The following PKHD1 variants were observed in gnomAD, a reference collection of about 807,000 sequenced individuals.
PKHD1 encodes the protein PKHD1 ciliary IPT domain containing fibrocystin/polyductin.
PKHD1 carries 291 observed loss-of-function variants against 412.0 expected under a neutral mutation model. The observed-to-expected ratio is 0.71, with a 90% CI of 0.64 to 0.78. The LOEUF (loss-of-function observed/expected upper bound fraction) is 0.78. Ranked by LOEUF, PKHD1 falls within the 30% of genes least tolerant of loss-of-function variation. PKHD1 has a pLI of 0.00. For missense variants in PKHD1, 4,825 were observed against 4,950.7 expected, an observed-to-expected ratio of 0.97 and a Z score of 0.76; for synonymous variants, 1,777 against 1,821.5, an observed-to-expected ratio of 0.98 and a Z score of 0.62.
chr6:51,625,011 C>A (rs1233359154), intron 66 of PKHD1, among the ~76,000 whole-genome samples: 3 of 152,098 alleles, frequency 2.0e-5, no homozygotes, highest in Admixed American at 1.3e-4. Context: ...CTCTTGATAT[C>A]AAAAAACCTG....
In PKHD1 at chr6:51,659,637, C is replaced by A. The variant is rs780839456; in HGVS notation, c.10489G>T (p.Ala3497Ser). 1.9e-6 allele frequency: 3 copies of A among 1,613,678 alleles called. No homozygotes were observed. Among genetic ancestry groups the A allele is most frequent in the South Asian group, 2.2e-5 (2 of 91,074 alleles). Residue 3497 changes from alanine to serine, a missense_variant, in exon 61 of 67, where the codon GCT becomes TCT. Coordinates refer to ENST00000371117, the MANE Select transcript of PKHD1 (RefSeq NM_138694.4). ...GNKSTSKLLL[A>S]VFYHELQSPH... is the part of the protein sequence containing the mutation. ...CTCTGGAGCTCATGGTAGAATACAG[C>A]CAAGAGAAGCTTGGAGGTACTTTTG...
chr6:51,813,814 G>T (rs995804157), intron 52 of PKHD1, among the ~76,000 whole-genome samples: 7 of 152,032 alleles, frequency 4.6e-5, no homozygotes, highest in Non-Finnish European at 8.8e-5. Context: ...CTAAGCATGG[G>T]GTGGCAAAAA....
chr6:51,757,963 A>G (rs1787301249), intron 55 of PKHD1, among the ~76,000 whole-genome samples: 1 of 149,464 alleles, frequency 6.7e-6, no homozygotes, highest in Admixed American at 6.7e-5. Context: ...GTGAGCTATG[A>G]TCATGCCACT....
intron 35 of PKHD1, among the ~76,000 whole-genome samples, chr6:51,985,458 G>C (rs1796084519): frequency 1.3e-5 from 2 of 152,234 alleles, no homozygotes. Flanking sequence ...GCCGAGCGCG[G>C]TGGCTCATGC....
At chr6:51,958,004 T>C (rs1791402022) in intron 36 of PKHD1, among the ~76,000 whole-genome samples, 1 of 152,170 alleles carries the variant, frequency 6.6e-6, no homozygotes, top group Non-Finnish European at 1.5e-5. Context: ...ACAGGAATCC[T>C]AGGCCACTCA....
chr6:52,078,593 T>C (rs1295816062), intron 5 of PKHD1, among the ~76,000 whole-genome samples: 1 of 152,186 alleles, frequency 6.6e-6, no homozygotes, highest in East Asian at 1.9e-4. Context: ...ATTAACTGCA[T>C]CCCCTGGTGA....
chr6:51,902,900 C>A (rs1355856136), intron 43 of PKHD1, among the ~76,000 whole-genome samples: 1 of 152,142 alleles, frequency 6.6e-6, no homozygotes, highest in Non-Finnish European at 1.5e-5. Context: ...GGACTTCATC[C>A]TCCTGGAATC....
At position 51,836,483 on chromosome 6, in the gene PKHD1, G is replaced by T; in HGVS notation, c.8108-14C>A. On this transcript the variant is annotated splice_polypyrimidine_tract_variant and intron_variant, in intron 50 of 66. Coordinates refer to ENST00000371117, the MANE Select transcript of PKHD1 (RefSeq NM_138694.4). ...CTTCACCTGAAACTAAATACCAAAA[G>T]CCACAACTTGCATGTGATACAAAGA... 6.3e-7 allele frequency: 1 copy of T among 1,587,496 alleles called. No homozygotes were observed. The highest frequency in any genetic ancestry group is 8.7e-7 in the Non-Finnish European group (1 of 1,155,932).
At chr6:51,931,456 G>A (rs1786571655) in intron 37 of PKHD1, among the ~76,000 whole-genome samples, 1 of 152,196 alleles carries the variant, frequency 6.6e-6, no homozygotes, top group Non-Finnish European at 1.5e-5. Flanking sequence ...GTGAAATTAT[G>A]AAATGACTTT....
intron 52 of PKHD1, among the ~76,000 whole-genome samples, chr6:51,806,594 T>C (rs1217019648): frequency 6.6e-6 from 1 of 152,184 alleles, no homozygotes; most frequent in Admixed American, 6.5e-5. Flanking sequence ...AACATATTTA[T>C]GAGTTCAAGA....
intron 49 of PKHD1, among the ~76,000 whole-genome samples, chr6:51,850,482 G>C (rs1413953471): frequency 2.0e-5 from 3 of 152,168 alleles, no homozygotes; most frequent in Non-Finnish European, 4.4e-5. Context: ...ATTACTTTGG[G>C]CAGTATAGCC....
intron 53 of PKHD1, among the ~76,000 whole-genome samples, chr6:51,782,606 C>A (rs1000377084): frequency 1.4e-4 from 21 of 152,072 alleles, no homozygotes; most frequent in African/African-American, 5.1e-4. Flanking sequence ...GGGAACTGTG[C>A]ATCTAAATAA....
chr6:52,023,381 T>A (rs1801691914), intron 32 of PKHD1, among the ~76,000 whole-genome samples: 2 of 152,218 alleles, frequency 1.3e-5, no homozygotes, highest in African/African-American at 2.4e-5. Flanking sequence ...TCCATATTAT[T>A]CTGGAACTTG....
rs770088248 is a variant in PKHD1, at chr6:51,883,079, A to C, written c.7350+14T>G. ...GTGATTGACAGCCTAAAACAACCAC[A>C]CTAAGGCACTTACCTTGTGGGCAAA... On this transcript the variant is annotated intron_variant, in intron 46 of 66. Coordinates refer to ENST00000371117, the MANE Select transcript of PKHD1 (RefSeq NM_138694.4). 1.4e-5 allele frequency: 23 copies of C among 1,610,130 alleles called. No homozygotes were observed. In the Admixed American group the frequency reaches 3.5e-4, roughly 25 times the overall value.
rs1386835426 is a variant in PKHD1, at chr6:52,047,975, TA to T, written c.2407+516del. 2.6e-5 allele frequency among the ~76,000 whole-genome samples: 4 copies of T among 152,206 alleles called. No homozygotes were observed. The South Asian group carries it at 8.3e-4, about 32-fold the overall frequency. ...ACCCTAAATACAATTATATAATAGG[TA>T]CCCTTATAAGAGAGAGGCAGAGAAA... On this transcript the variant is annotated intron_variant, in intron 23 of 66. Coordinates refer to ENST00000371117, the MANE Select transcript of PKHD1 (RefSeq NM_138694.4).
intron 60 of PKHD1, among the ~76,000 whole-genome samples, chr6:51,730,315 T>C (rs939417602): frequency 6.6e-6 from 1 of 152,182 alleles, no homozygotes; most frequent in Admixed American, 6.5e-5. Flanking sequence ...ACGTCATCAA[T>C]ATTTTCTAGT....
At chr6:51,735,768 A>AT (rs1199955725) in intron 60 of PKHD1, among the ~76,000 whole-genome samples, 3 of 151,716 alleles carry the variant, frequency 2.0e-5, no homozygotes, top group Non-Finnish European at 4.4e-5. Context: ...TCTACGAAAA[A>AT]TTTTTTTTAA....
chr6:51,998,027 T>C (rs1349340382), intron 35 of PKHD1, among the ~76,000 whole-genome samples: 1 of 152,176 alleles, frequency 6.6e-6, no homozygotes, highest in Non-Finnish European at 1.5e-5. Flanking sequence ...TTAAAAATGG[T>C]GTCATCAGTT....
At chr6:51,665,232 T>C (rs2150452563) in intron 60 of PKHD1, among the ~76,000 whole-genome samples, 1 of 152,276 alleles carries the variant, frequency 6.6e-6, no homozygotes, top group South Asian at 2.1e-4. Context: ...CAGATATACT[T>C]TTTCTAGCCC....
Sources: allele counts gnomAD v4.1 joint callset (sites outside exome capture counted in the v4.1 genomes callset), GRCh38; gene constraint gnomAD v4.1.1; transcripts MANE v1.5; gene names NCBI Gene and HGNC (gene_info 2026-07-23, HGNC 2026-07-21).